RPS6KC1: variants seen among roughly 807,000 people sequenced by gnomAD.
RPS6KC1 encodes inactive ribosomal protein S6 kinase delta-1.
RPS6KC1 carries 54 observed loss-of-function variants against 103.8 expected under a neutral mutation model. That is an observed-to-expected ratio of 0.52 (90% CI 0.42 to 0.65). RPS6KC1 has a LOEUF of 0.65. RPS6KC1 is among the 30% of genes least tolerant of loss of function. The probability of loss-of-function intolerance (pLI) is 0.00; values close to 1 mark genes in which losing one functional copy is unlikely to be tolerated. For missense variants in RPS6KC1, 1,151 were observed against 1,253.8 expected (o/e 0.92, Z 1.24); for synonymous variants, 439 against 438.7 (o/e 1.00, Z -0.01).
In RPS6KC1 at chr1:213,241,481, C is replaced by T. The variant is rs1283274674; in HGVS notation, c.2005C>T (p.Pro669Ser). Residue 669 changes from proline to serine, a missense_variant, in exon 11 of 15, where the codon CCA becomes TCA. Physicochemically the swap from Pro to Ser is moderately conservative, Grantham distance 74 (BLOSUM62 -1). Around this residue, in one of 3 missense-constraint regions of RPS6KC1, gnomAD observed 959 missense variants for 1,006.3 expected, o/e 0.95. Coordinates refer to ENST00000366960, the MANE Select transcript of RPS6KC1 (RefSeq NM_012424.6). Reference protein sequence around the residue: ...TISRGSDDSVPVISFKDAAFD... With the variant: ...TISRGSDDSVSVISFKDAAFD... ...TAGCAGGGGCTCAGATGACTCAGTG[C>T]CAGTTATTTCATTTAAAGATGCTGC... 3 of 1,613,860 alleles carry T rather than the reference C, an allele frequency of 1.9e-6. No individual in the cohort carries two copies. Among genetic ancestry groups the T allele is most frequent in the Non-Finnish European group, 2.5e-6 (3 of 1,179,904 alleles).
At chr1:213,209,890 A>T (rs554855603) in intron 8 of RPS6KC1, among the ~76,000 whole-genome samples, 8 of 152,074 alleles carry the variant, frequency 5.3e-5, no homozygotes, top group Non-Finnish European at 1.2e-4. Flanking sequence ...TACTCTTTTT[A>T]GACTATATAG....
At chr1:213,446,242 C>T in the RPS6KC1 span, among the ~76,000 whole-genome samples, 508 of 152,298 alleles carry the variant, frequency 3.3e-3, no homozygotes, top group Non-Finnish European at 5.4e-3. Flanking sequence ...TGCTTGCTTT[C>T]GTACATCCAG....
At chr1:213,830,120 C>T in the RPS6KC1 span, among the ~76,000 whole-genome samples, 3 of 152,184 alleles carry the variant, frequency 2.0e-5, no homozygotes, top group Non-Finnish European at 1.5e-5. Context: ...ACTGCCTTGA[C>T]AGTTTGTGTA....
chr1:213,746,532 A>G, the RPS6KC1 span, among the ~76,000 whole-genome samples: 3 of 152,202 alleles, frequency 2.0e-5, no homozygotes, highest in Admixed American at 1.3e-4. Context: ...TCATTGTAAG[A>G]TCTTTGGCTT....
the RPS6KC1 span, among the ~76,000 whole-genome samples, chr1:213,389,431 G>C: frequency 1.9e-4 from 29 of 152,356 alleles, no homozygotes; most frequent in South Asian, 6.0e-3. Context: ...GGGCGACAGG[G>C]AAGCGTGGAG....
the RPS6KC1 span, among the ~76,000 whole-genome samples, chr1:213,413,571 T>C: frequency 1.6e-4 from 25 of 152,310 alleles, no homozygotes; most frequent in Admixed American, 9.8e-4. Context: ...TGAGTGCTGG[T>C]TACTGGCAGG....
the RPS6KC1 span, among the ~76,000 whole-genome samples, chr1:213,575,209 A>G: frequency 6.6e-6 from 1 of 152,146 alleles, no homozygotes; most frequent in African/African-American, 2.4e-5. Flanking sequence ...ATATATATAT[A>G]TTTAATCATA....
chr1:213,186,969 A>G (rs2092557636), intron 8 of RPS6KC1, among the ~76,000 whole-genome samples: 1 of 152,146 alleles, frequency 6.6e-6, no homozygotes, highest in Non-Finnish European at 1.5e-5. Flanking sequence ...CTGCAGTGGC[A>G]CAATCATGGC....
At chr1:213,208,909 A>C (rs1334680239) in intron 8 of RPS6KC1, among the ~76,000 whole-genome samples, 1 of 151,754 alleles carries the variant, frequency 6.6e-6, no homozygotes, top group Admixed American at 6.6e-5. Context: ...TTAGGAGATA[A>C]TTTCAGGATA....
the RPS6KC1 span, among the ~76,000 whole-genome samples, chr1:213,375,244 C>T: frequency 1.4e-4 from 21 of 152,022 alleles, no homozygotes; most frequent in African/African-American, 4.6e-4. Flanking sequence ...CACATACACA[C>T]ATATATACAC....
chr1:213,737,277 C>A, the RPS6KC1 span, among the ~76,000 whole-genome samples: 6 of 152,280 alleles, frequency 3.9e-5, no homozygotes, highest in East Asian at 1.2e-3. Flanking sequence ...GGACTTGGTG[C>A]TGAGGCAGTG....
chr1:213,221,287 C>A (rs1245162511), intron 8 of RPS6KC1, among the ~76,000 whole-genome samples: 1 of 152,076 alleles, frequency 6.6e-6, no homozygotes, highest in African/African-American at 2.4e-5. Flanking sequence ...TTGGAGTCCC[C>A]TGTGACCTTG....
At position 213,248,224 on chromosome 1, in the gene RPS6KC1, G is replaced by T. The variant is rs538792278; in HGVS notation, c.2911+5566G>T. Among the ~76,000 whole-genome samples, 38 of 152,128 alleles carry T rather than the reference G, an allele frequency of 2.5e-4. 1 individual carries two copies. In the South Asian group the frequency reaches 7.3e-3, roughly 29 times the overall value. ...CTTTTTTTCCTAAAACAGAAAGAAGGTGGCAGCAAGAGGGAACTATAGGAA... is the reference window on the plus strand; with the variant it reads ...CTTTTTTTCCTAAAACAGAAAGAAGTTGGCAGCAAGAGGGAACTATAGGAA... On this transcript the variant is annotated intron_variant, in intron 12 of 14. Coordinates refer to ENST00000366960, the MANE Select transcript of RPS6KC1 (RefSeq NM_012424.6).
rs1237620559 is a variant in RPS6KC1 at position 213,261,624 on chromosome 1, A to G, written c.2978A>G (p.Glu993Gly). 2 of 1,613,976 alleles carry G rather than the reference A, an allele frequency of 1.2e-6. No homozygotes were observed. Among genetic ancestry groups the G allele is most frequent in the Admixed American group, 1.7e-5 (1 of 60,024 alleles). ...TGGAGTTTGGGTGCTGTCCTCTTTG[A>G]ACTTCTCACTGGCAAGGTAAGCAGT... ...DWWSLGAVLFELLTGKTLVEC... is the reference protein window; with the variant it reads ...DWWSLGAVLFGLLTGKTLVEC... Residue 993 changes from glutamate (E) to glycine (G), a missense_variant, in exon 13 of 15, where the codon GAA becomes GGA. Physicochemically the swap from Glu to Gly is moderately conservative, Grantham distance 98. Transcript: ENST00000366960.
At chr1:213,793,542 A>T in the RPS6KC1 span, among the ~76,000 whole-genome samples, 4 of 152,148 alleles carry the variant, frequency 2.6e-5, no homozygotes, top group Non-Finnish European at 4.4e-5. Flanking sequence ...CGTCTAATCC[A>T]CTGAAACCAT....
chr1:213,211,853 T>C (rs2093515720), intron 8 of RPS6KC1, among the ~76,000 whole-genome samples: 1 of 152,224 alleles, frequency 6.6e-6, no homozygotes, highest in Non-Finnish European at 1.5e-5. Flanking sequence ...TGTGTAAAGA[T>C]GTGTAATCCA....
At chr1:213,256,909 T>G (rs1275830268) in intron 12 of RPS6KC1, among the ~76,000 whole-genome samples, 2 of 152,232 alleles carry the variant, frequency 1.3e-5, no homozygotes, top group Non-Finnish European at 2.9e-5. Context: ...CTTATGTACT[T>G]GACTGTAGAG....
chr1:213,561,739 A>G, the RPS6KC1 span, among the ~76,000 whole-genome samples: 276 of 152,318 alleles, frequency 1.8e-3, no homozygotes, highest in Non-Finnish European at 3.1e-3. Flanking sequence ...TACATAACCC[A>G]GCCCCACTGA....
intron 6 of RPS6KC1, among the ~76,000 whole-genome samples, chr1:213,150,515 C>CTT (rs1411790749): frequency 8.7e-5 from 13 of 150,276 alleles, no homozygotes; most frequent in African/African-American, 3.2e-4. Flanking sequence ...GGTGATGACT[C>CTT]TTAACGAGCA....
Sources: allele counts gnomAD v4.1 joint callset (sites outside exome capture counted in the v4.1 genomes callset), GRCh38; gene constraint gnomAD v4.1.1; regional missense constraint gnomAD v4.1.1; transcripts MANE v1.5; gene names NCBI Gene and HGNC (gene_info 2026-07-23, HGNC 2026-07-21).